Variants in CSMD1 observed in about 807,000 individuals in gnomAD.
CSMD1 encodes CUB and Sushi multiple domains 1.
Under a neutral mutation model 417.5 loss-of-function variants are expected in CSMD1, and 213 were observed. The observed-to-expected ratio is 0.51, with a 90% CI of 0.46 to 0.57. The LOEUF (loss-of-function observed/expected upper bound fraction) is 0.57. Among genes scored for constraint, CSMD1 ranks in the 20% least tolerant of loss-of-function variants. The probability of loss-of-function intolerance (pLI) is 0.00; values close to 1 mark genes in which losing one functional copy is unlikely to be tolerated. For synonymous variants in CSMD1, 2,862 were observed against 1,736.8 expected (o/e 1.65, Z -16.11); for missense variants, 6,923 against 4,529.7 (o/e 1.53, Z -15.17).
intron 55 of CSMD1, among the ~76,000 whole-genome samples, chr8:2,974,871 T>C (rs1804790844): frequency 3.9e-5 from 6 of 152,204 alleles, no homozygotes; most frequent in African/African-American, 1.2e-4. Context: ...TTCCTTATGG[T>C]AGAAATTTAC....
At chr8:4,921,743 G>C (rs1345671006) in intron 1 of CSMD1, among the ~76,000 whole-genome samples, 1 of 152,048 alleles carries the variant, frequency 6.6e-6, no homozygotes, top group African/African-American at 2.4e-5. Flanking sequence ...TGTGTTCCTT[G>C]TTGTTCTGAG....
intron 11 of CSMD1, among the ~76,000 whole-genome samples, chr8:3,488,997 C>T (rs1190744550): frequency 6.6e-6 from 1 of 151,982 alleles, no homozygotes; most frequent in African/African-American, 2.4e-5. Context: ...TTATGCTTTC[C>T]CCCAAGGCAC....
intron 3 of CSMD1, among the ~76,000 whole-genome samples, chr8:4,412,278 G>C (rs1002758374): frequency 1.2e-4 from 19 of 152,094 alleles, no homozygotes; most frequent in African/African-American, 3.9e-4. Context: ...CTCATGAATA[G>C]TTTACCACCA....
Position 3,255,342 on chromosome 8 carries a change from T to G in CSMD1, c.4154-25111A>C, listed in dbSNP as rs9969418. 4.6e-4 allele frequency among the ~76,000 whole-genome samples: 70 copies of G among 152,278 alleles called. 1 individual carries two copies. The highest frequency in any genetic ancestry group is 1.6e-3 in the African/African-American group (68 of 41,556). On this transcript the variant is annotated intron_variant, in intron 26 of 69. Coordinates refer to ENST00000635120, the MANE Select transcript of CSMD1 (RefSeq NM_033225.6). Reference sequence around the variant, plus strand: ...GGGACCCACTTGAGGAGGCAGTCTGTCCATTCTCAGATCTCAAGCTGTGTG... The same window carrying G: ...GGGACCCACTTGAGGAGGCAGTCTGGCCATTCTCAGATCTCAAGCTGTGTG...
At chr8:4,187,426 C>T (rs543313595) in intron 3 of CSMD1, among the ~76,000 whole-genome samples, 1 of 152,068 alleles carries the variant, frequency 6.6e-6, no homozygotes, top group South Asian at 2.1e-4. Context: ...GCAGGCAGAT[C>T]ACCTGAGGTC....
At chr8:4,194,478 T>C (rs1799216541) in intron 3 of CSMD1, among the ~76,000 whole-genome samples, 1 of 152,168 alleles carries the variant, frequency 6.6e-6, no homozygotes, top group African/African-American at 2.4e-5. Context: ...CCTGTCACTT[T>C]TCTAATAAAT....
chr8:4,362,932 G>C (rs1801856373), intron 3 of CSMD1, among the ~76,000 whole-genome samples: 2 of 152,090 alleles, frequency 1.3e-5, no homozygotes, highest in African/African-American at 4.8e-5. Flanking sequence ...TAAACTGTTA[G>C]GACAAGTCTA....
intron 3 of CSMD1, among the ~76,000 whole-genome samples, chr8:4,298,930 A>C (rs1486813867): frequency 6.6e-6 from 1 of 152,132 alleles, no homozygotes; most frequent in Non-Finnish European, 1.5e-5. Flanking sequence ...ACATAAATAC[A>C]TAAACACACA....
rs573615947 is a variant in CSMD1, at chr8:4,955,045, T to C, written c.85+39287A>G. Among the ~76,000 whole-genome samples, 7 of 152,298 alleles carry C rather than the reference T, an allele frequency of 4.6e-5. No individual in the cohort carries two copies. The South Asian group carries it at 1.0e-3, about 23-fold the overall frequency. ...CCAGCTGATTTTCTCGGGACATCCA[T>C]TGCTGTATGTCAGTGGCTCTCAAAA... On this transcript the variant is annotated intron_variant, in intron 1 of 69. Coordinates refer to ENST00000635120, the MANE Select transcript of CSMD1 (RefSeq NM_033225.6).
chr8:4,325,724 C>A (rs569025970), intron 3 of CSMD1, among the ~76,000 whole-genome samples: 1 of 152,108 alleles, frequency 6.6e-6, no homozygotes, highest in Non-Finnish European at 1.5e-5. Context: ...TAGATGGAAT[C>A]CAACACTGAG....
At chr8:3,247,465 G>C (rs1018962966) in intron 26 of CSMD1, among the ~76,000 whole-genome samples, 4 of 152,126 alleles carry the variant, frequency 2.6e-5, no homozygotes, top group African/African-American at 7.2e-5. Flanking sequence ...TACAAGCCAA[G>C]CTGTCTACCC....
intron 48 of CSMD1, among the ~76,000 whole-genome samples, chr8:3,090,108 A>T (rs545719687): frequency 6.6e-6 from 1 of 151,892 alleles, no homozygotes; most frequent in South Asian, 2.1e-4. Context: ...AGGTCAGGAG[A>T]TCGTGACCAT....
chr8:3,536,553 T>C (rs1306434698), intron 10 of CSMD1, among the ~76,000 whole-genome samples: 3 of 152,182 alleles, frequency 2.0e-5, no homozygotes, highest in Admixed American at 1.3e-4. Context: ...ATGAGCCTGG[T>C]TCCTGGTAGA....
intron 7 of CSMD1, among the ~76,000 whole-genome samples, chr8:3,678,617 G>T (rs1023128697): frequency 3.3e-5 from 5 of 152,116 alleles, no homozygotes; most frequent in African/African-American, 1.2e-4. Flanking sequence ...CACTCTGCAG[G>T]ACATTATCAA....
chr8:3,275,983 C>G (rs1197234506), intron 26 of CSMD1, among the ~76,000 whole-genome samples: 1 of 152,178 alleles, frequency 6.6e-6, no homozygotes, highest in Non-Finnish European at 1.5e-5. Context: ...GAACTGTGTT[C>G]CTTTGGAGGA....
chr8:3,143,211 C>G (rs1011483940), intron 40 of CSMD1, among the ~76,000 whole-genome samples: 1 of 152,142 alleles, frequency 6.6e-6, no homozygotes, highest in Admixed American at 6.5e-5. Flanking sequence ...TCCCACAGTT[C>G]TATGCAACCA....
chr8:4,039,519 G>A (rs1053193671), intron 3 of CSMD1, among the ~76,000 whole-genome samples: 4 of 152,276 alleles, frequency 2.6e-5, no homozygotes, highest in Middle Eastern at 3.4e-3. Flanking sequence ...AGAAGGTGCT[G>A]ACAAAGCATT....
At chr8:4,857,334 C>T (rs1295900155) in intron 1 of CSMD1, among the ~76,000 whole-genome samples, 2 of 150,604 alleles carry the variant, frequency 1.3e-5, no homozygotes, top group Non-Finnish European at 3.0e-5. Flanking sequence ...AAAATTGACA[C>T]CCTAACATCA....
chr8:4,914,827 G>A (rs368649043), intron 1 of CSMD1, among the ~76,000 whole-genome samples: 9 of 152,268 alleles, frequency 5.9e-5, no homozygotes, highest in South Asian at 2.1e-4. Context: ...GAGGCCTGTG[G>A]ACATCAGGGA....
Sources: gnomAD v4.1 joint callset for allele counts (sites outside exome capture counted in the v4.1 genomes callset) on GRCh38, gnomAD v4.1.1 for gene constraint, MANE v1.5 for transcripts, NCBI Gene and HGNC (gene_info 2026-07-23, HGNC 2026-07-21) for gene names.